The following NRP2 variants were observed in gnomAD, a reference collection of about 807,000 sequenced individuals.
NRP2 encodes neuropilin-2.
In NRP2, 52 loss-of-function variants were observed where a neutral mutation model predicts 110.4. The observed-to-expected ratio is 0.47, with a 90% CI of 0.38 to 0.59. The LOEUF (loss-of-function observed/expected upper bound fraction) is 0.59, where lower values mean the gene tolerates loss of function less well. Ranked by LOEUF, NRP2 falls within the 20% of genes least tolerant of loss-of-function variation. NRP2 has a pLI of 0.00. For synonymous variants in NRP2, 508 were observed against 468.9 expected (o/e 1.08, Z -1.08); for missense variants, 1,049 against 1,203.0 (o/e 0.87, Z 1.89).
At chr2:205,721,902 T>C (rs2057020824) in intron 3 of NRP2, among the ~76,000 whole-genome samples, 1 of 152,150 alleles carries the variant, frequency 6.6e-6, no homozygotes, top group Admixed American at 6.5e-5. Context: ...ATGACATGAA[T>C]GAGACCCAAG....
intron 15 of NRP2, among the ~76,000 whole-genome samples, chr2:205,782,956 C>A (rs2058193860): frequency 6.6e-6 from 1 of 151,940 alleles, no homozygotes; most frequent in Non-Finnish European, 1.5e-5. Flanking sequence ...CTGGGTCAAA[C>A]ACATCCCTGT....
At chr2:205,712,011 T>G (rs765217309) in intron 2 of NRP2, among the ~76,000 whole-genome samples, 16 of 152,188 alleles carry the variant, frequency 1.1e-4, no homozygotes, top group Non-Finnish European at 1.8e-4. Context: ...ATCTCTCCCG[T>G]GGACTCTTAA....
At chr2:205,787,383 G>C (rs555899570) in intron 15 of NRP2, among the ~76,000 whole-genome samples, 1 of 152,288 alleles carries the variant, frequency 6.6e-6, no homozygotes, top group East Asian at 1.9e-4. Context: ...GGGTTGGCAT[G>C]GAAGGGACTC....
intron 15 of NRP2, among the ~76,000 whole-genome samples, chr2:205,781,419 T>C (rs1223755762): frequency 6.6e-6 from 1 of 152,272 alleles, no homozygotes. Context: ...TTGTGATGGT[T>C]TCAGTGTGTG....
At chr2:205,699,226 C>T (rs145680955) in intron 2 of NRP2, among the ~76,000 whole-genome samples, 1 of 152,308 alleles carries the variant, frequency 6.6e-6, no homozygotes, top group African/African-American at 2.4e-5. Flanking sequence ...GCTCAGCATC[C>T]CAAGGCTTCT....
In NRP2 at chr2:205,794,941, C is replaced by T. The variant is rs202190552; in HGVS notation, c.2664C>T (p.Ser888=). The change falls in exon 17 of 17, where the codon TCC becomes TCT. Residue 888 remains serine (S), a synonymous_variant. Coordinates refer to ENST00000357785, the MANE Select transcript of NRP2 (RefSeq NM_003872.3). ...GCCTCCTGCTCTACTGCACCTGTTC[C>T]TACTCGGGCCTGAGCTCCCGAAGCT... ...CAGLLLYCTC[S]YSGLSSRSCT... 7.4e-6 allele frequency: 12 copies of T among 1,614,166 alleles called. No individual in the cohort carries two copies. Among genetic ancestry groups the T allele is most frequent in the Non-Finnish European group, 9.3e-6 (11 of 1,180,044 alleles).
Position 205,759,060 on chromosome 2 carries a change from G to A in NRP2, c.2045-4614G>A, listed in dbSNP as rs149271984. On this transcript the variant is annotated intron_variant, in intron 12 of 16. Coordinates refer to ENST00000357785, the MANE Select transcript of NRP2 (RefSeq NM_003872.3). ...CAAACTTCAGTTGCAGCACGTGTTT[G>A]ATCTCAATATCTATGTGTGGGTGCC... is the stretch of plus-strand genomic sequence containing the variant. Among the ~76,000 whole-genome samples the A allele has an allele frequency of 2.2e-3, 342 of 152,278 alleles. 1 individual carries two copies. Among genetic ancestry groups the A allele is most frequent in the Admixed American group, 4.2e-3 (64 of 15,302 alleles).
chr2:205,716,463 G>A (rs2056898326), intron 3 of NRP2, 89 bp downstream of exon 3: 4 of 1,366,604 alleles, frequency 2.9e-6, no homozygotes, highest in South Asian at 1.2e-5. Flanking sequence ...ACTGGGTAAG[G>A]GTGACAGTGT....
Position 205,771,327 on chromosome 2 carries a change from TCTA to T in NRP2, c.2425+4528_2425+4530del, listed in dbSNP as rs1306799602. ...ACATCAGAGGGCGTGACCACATTCT[TCTA>T]CTATCTTCTGTAAACTTCTCTAGAG... On this transcript the variant is annotated intron_variant, in intron 15 of 16. Coordinates refer to ENST00000357785, the MANE Select transcript of NRP2 (RefSeq NM_003872.3). Among the ~76,000 whole-genome samples the T allele has an allele frequency of 2.0e-5, 3 of 152,208 alleles. No homozygotes were observed. The East Asian group carries it at 5.8e-4, about 29-fold the overall frequency.
chr2:205,786,774 T>A (rs1429905318), intron 15 of NRP2, among the ~76,000 whole-genome samples: 3 of 152,224 alleles, frequency 2.0e-5, no homozygotes, highest in Non-Finnish European at 4.4e-5. Context: ...TTACCCACTT[T>A]GTCAGTTCCT....
chr2:205,762,087 G>T (rs1190733259), intron 12 of NRP2: 1 of 152,214 alleles, frequency 6.6e-6, no homozygotes, highest in Non-Finnish European at 1.5e-5. Context: ...CTCTTCTGTA[G>T]ACAGCTGCCT....
At chr2:205,697,435 C>A (rs1421584965) in intron 1 of NRP2, 109 bp from the exon 2 acceptor site, 12 of 1,041,114 alleles carry the variant, frequency 1.2e-5, no homozygotes, top group Admixed American at 1.7e-5. Flanking sequence ...CATAAAAGGT[C>A]TGTAAAATAG....
intron 3 of NRP2, among the ~76,000 whole-genome samples, chr2:205,721,735 G>A (rs920763720): frequency 1.3e-5 from 2 of 152,230 alleles, no homozygotes; most frequent in Non-Finnish European, 1.5e-5. Context: ...CCACAAAGGA[G>A]CCAGAAGCCT....
chr2:205,687,435 AAC>A, intron 1 of NRP2, among the ~76,000 whole-genome samples: 1 of 33,980 alleles, frequency 2.9e-5, no homozygotes, highest in Admixed American at 4.7e-4. Context: ...GTACCCAGTA[AAC>A]ATTTTTCCCC....
At chr2:205,691,291 C>A (rs991131239) in intron 1 of NRP2, among the ~76,000 whole-genome samples, 1 of 152,216 alleles carries the variant, frequency 6.6e-6, no homozygotes, top group East Asian at 1.9e-4. Flanking sequence ...AGGAGAAAGA[C>A]CACTCCCAGT....
intron 15 of NRP2, among the ~76,000 whole-genome samples, chr2:205,773,037 A>G (rs1199158700): frequency 1.3e-5 from 2 of 152,128 alleles, no homozygotes; most frequent in Non-Finnish European, 2.9e-5. Flanking sequence ...TCATCCATCC[A>G]TCTGGCATTC....
intron 11 of NRP2, 131 bp downstream of exon 11, chr2:205,749,972 G>T (rs2057614145): frequency 5.3e-6 from 4 of 761,160 alleles, no homozygotes; most frequent in Non-Finnish European, 4.6e-6. Flanking sequence ...GGTAAGAGAG[G>T]TGGGGGCACT....
At chr2:205,777,747 T>C (rs1559364802) in intron 15 of NRP2, 1 of 152,222 alleles carries the variant, frequency 6.6e-6, no homozygotes, top group African/African-American at 2.4e-5. Flanking sequence ...CCTGAATCTA[T>C]AGCCGCTAAA....
Position 205,727,972 on chromosome 2 carries a change from G to A in NRP2, c.1072G>A (p.Val358Ile), listed in dbSNP as rs775252226. Residue 358 changes from valine (V) to isoleucine (I), a missense_variant, in exon 7 of 17, where the codon GTC (valine) becomes ATC (isoleucine). Coordinates refer to ENST00000357785, the MANE Select transcript of NRP2 (RefSeq NM_003872.3). Reference sequence around the variant, plus strand: ...CAGGGAAACACAGAATGGCTACTATGTCAAATCCTACAAGCTGGAAGTCAG... The same window carrying A: ...CAGGGAAACACAGAATGGCTACTATATCAAATCCTACAAGCTGGAAGTCAG... The part of the protein sequence containing the change: ...ISRETQNGYY[V>I]KSYKLEVSTN... 7 of 1,614,136 alleles carry A rather than the reference G, an allele frequency of 4.3e-6. No homozygotes were observed. The highest frequency in any genetic ancestry group is 5.1e-6 in the Non-Finnish European group (6 of 1,180,022).
Sources: allele counts gnomAD v4.1 joint callset (sites outside exome capture counted in the v4.1 genomes callset), GRCh38; gene constraint gnomAD v4.1.1; transcripts MANE v1.5; gene names NCBI Gene and HGNC (gene_info 2026-07-23, HGNC 2026-07-21).